Variants in STMN2 observed in about 807,000 individuals in gnomAD.
STMN2 encodes stathmin 2, also known as stathmin-2.
In STMN2, 2 loss-of-function variants were observed where a neutral mutation model predicts 24.1. That is an observed-to-expected ratio of 0.08 (90% CI 0.03 to 0.26). The LOEUF is 0.26. Among genes scored for constraint, STMN2 ranks in the 10% least tolerant of loss-of-function variants. The pLI is 1.00. For missense variants in STMN2, 114 were observed against 213.6 expected (o/e 0.53, Z 2.91); for synonymous variants, 83 against 77.5 (o/e 1.07, Z -0.37).
intron 4 of STMN2, among the ~76,000 whole-genome samples, chr8:79,656,885 T>C (rs75338843): frequency 0.052 from 7,029 of 136,262 alleles, 298 homozygotes; most frequent in South Asian, 0.14. Flanking sequence ...TGTTTGTTTG[T>C]TTTTTTGAGA....
intron 3 of STMN2, 98 bp downstream of exon 3, chr8:79,641,648 A>G: frequency 2.6e-6 from 2 of 769,932 alleles, no homozygotes; most frequent in Non-Finnish European, 2.0e-6. Flanking sequence ...ACACACACAC[A>G]CACACACACA....
At chr8:79,623,714 G>C (rs960715692) in intron 1 of STMN2, among the ~76,000 whole-genome samples, 1 of 152,126 alleles carries the variant, frequency 6.6e-6, no homozygotes, top group Non-Finnish European at 1.5e-5. Flanking sequence ...TTATATGAAA[G>C]CACCATTACA....
intron 4 of STMN2, among the ~76,000 whole-genome samples, chr8:79,659,767 TG>T (rs1470902651): frequency 6.6e-6 from 1 of 152,158 alleles, no homozygotes; most frequent in Non-Finnish European, 1.5e-5. Flanking sequence ...GGGGGTTCTA[TG>T]GGGGTTTCTT....
intron 1 of STMN2, among the ~76,000 whole-genome samples, chr8:79,632,691 C>T (rs909058682): frequency 1.3e-5 from 2 of 152,184 alleles, no homozygotes; most frequent in African/African-American, 4.8e-5. Context: ...TCTTTACTAT[C>T]TTTTATATGT....
intron 4 of STMN2, chr8:79,663,669 A>G (rs1399930527): frequency 1.3e-6 from 2 of 1,513,040 alleles, no homozygotes; most frequent in East Asian, 4.9e-5. Flanking sequence ...AATGTAAGCA[A>G]CATTCTACAG....
intron 1 of STMN2, among the ~76,000 whole-genome samples, chr8:79,614,249 C>T (rs992965650): frequency 6.6e-6 from 1 of 152,134 alleles, no homozygotes; most frequent in Non-Finnish European, 1.5e-5. Context: ...AAATTAATTC[C>T]AATTTCAAAG....
intron 1 of STMN2, among the ~76,000 whole-genome samples, chr8:79,630,241 C>A (rs751585093): frequency 6.6e-6 from 1 of 152,144 alleles, no homozygotes; most frequent in African/African-American, 2.4e-5. Context: ...TCAACTGGCC[C>A]ATGAACTAAA....
At chr8:79,634,759 G>A (rs1344255179) in intron 1 of STMN2, among the ~76,000 whole-genome samples, 2 of 152,080 alleles carry the variant, frequency 1.3e-5, no homozygotes, top group African/African-American at 4.8e-5. Context: ...TAGTATCTGT[G>A]GATCTAAAGC....
intron 3 of STMN2, among the ~76,000 whole-genome samples, chr8:79,643,909 A>G (rs1327733730): frequency 6.6e-6 from 1 of 152,106 alleles, no homozygotes; most frequent in Non-Finnish European, 1.5e-5. Flanking sequence ...TTGTAATGCA[A>G]AAATAACCAT....
intron 1 of STMN2, among the ~76,000 whole-genome samples, chr8:79,625,986 A>G (rs919204251): frequency 6.7e-6 from 1 of 150,254 alleles, no homozygotes; most frequent in Admixed American, 6.6e-5. Context: ...ATCAATCAAT[A>G]AAATAAAGAT....
intron 3 of STMN2, 87 bp from the exon 4 acceptor site, chr8:79,654,784 A>G: frequency 7.0e-7 from 1 of 1,428,956 alleles, no homozygotes; most frequent in Admixed American, 2.2e-5. Context: ...ATTCATCTGA[A>G]AAGAATGCTC....
At chr8:79,613,591 C>T (rs1809304942) in intron 1 of STMN2, 2 of 985,476 alleles carry the variant, frequency 2.0e-6, no homozygotes, top group African/African-American at 1.7e-5. Context: ...TCATCGTCAT[C>T]ATCAGTATTA....
chr8:79,649,488 T>C (rs1022776229), intron 3 of STMN2, among the ~76,000 whole-genome samples: 10 of 152,184 alleles, frequency 6.6e-5, no homozygotes. Flanking sequence ...TTATATTCAA[T>C]TGTCATATTT....
chr8:79,650,751 T>C (rs1810317562), intron 3 of STMN2, among the ~76,000 whole-genome samples: 2 of 152,058 alleles, frequency 1.3e-5, no homozygotes, highest in Admixed American at 1.3e-4. Context: ...GCCCCCCTGG[T>C]TATTAGCGCC....
Position 79,626,776 on chromosome 8 carries a change from T to C in STMN2, c.20-10026T>C, listed in dbSNP as rs111247827. Among the ~76,000 whole-genome samples the C allele has an allele frequency of 1.1e-4, 17 of 152,294 alleles. 1 individual carries two copies. Among genetic ancestry groups the C allele is most frequent in the African/African-American group, 4.1e-4 (17 of 41,552 alleles). On this transcript the variant is annotated intron_variant, in intron 1 of 4. Coordinates refer to ENST00000220876, the MANE Select transcript of STMN2 (RefSeq NM_007029.4). Reference sequence around the variant, plus strand: ...GTATGAGGGAAAATACAAAAAATGTTAAAGGAGATGCCTTCCCTTGCCCTC... The same window carrying C: ...GTATGAGGGAAAATACAAAAAATGTCAAAGGAGATGCCTTCCCTTGCCCTC...
At chr8:79,644,803 G>A (rs528255103) in intron 3 of STMN2, among the ~76,000 whole-genome samples, 4 of 152,234 alleles carry the variant, frequency 2.6e-5, no homozygotes, top group Non-Finnish European at 5.9e-5. Context: ...TTTTCTTACA[G>A]ATAGAATGAA....
chr8:79,633,821 T>C (rs114030719), intron 1 of STMN2, among the ~76,000 whole-genome samples: 17 of 152,242 alleles, frequency 1.1e-4, no homozygotes, highest in Non-Finnish European at 5.9e-5. Context: ...TTACTCATTA[T>C]ACATAGGGCT....
At chr8:79,648,514 G>C (rs1485713860) in intron 3 of STMN2, among the ~76,000 whole-genome samples, 1 of 144,928 alleles carries the variant, frequency 6.9e-6, no homozygotes, top group East Asian at 2.0e-4. Context: ...TCAGGCTGGA[G>C]TGCAGTGTTG....
chr8:79,617,964 G>A (rs938886802), intron 1 of STMN2, among the ~76,000 whole-genome samples: 1 of 152,210 alleles, frequency 6.6e-6, no homozygotes, highest in Non-Finnish European at 1.5e-5. Context: ...GGCACAGAAA[G>A]TTGAAGTATC....
Sources: allele counts gnomAD v4.1 joint callset (sites outside exome capture counted in the v4.1 genomes callset), GRCh38; gene constraint gnomAD v4.1.1; transcripts MANE v1.5; gene names NCBI Gene and HGNC (gene_info 2026-07-23, HGNC 2026-07-21).